The following BNC2 variants were observed in gnomAD, a reference collection of about 807,000 sequenced individuals.
The protein encoded by BNC2 is zinc finger protein basonuclin-2.
Under a neutral mutation model 76.3 loss-of-function variants are expected in BNC2, and 20 were observed. That is an observed-to-expected ratio of 0.26 (90% CI 0.18 to 0.38). The LOEUF (loss-of-function observed/expected upper bound fraction) is 0.38. BNC2 is among the 10% of genes least tolerant of loss of function. The probability of loss-of-function intolerance (pLI) is 1.00; values close to 1 mark genes in which losing one functional copy is unlikely to be tolerated. For synonymous variants in BNC2, 582 were observed against 514.8 expected, an observed-to-expected ratio of 1.13 and a Z score of -1.77; for missense variants, 1,382 against 1,399.8, an observed-to-expected ratio of 0.99 and a Z score of 0.20.
intron 3 of BNC2, among the ~76,000 whole-genome samples, chr9:16,650,353 T>C (rs1162360124): frequency 6.6e-6 from 1 of 152,166 alleles, no homozygotes; most frequent in Non-Finnish European, 1.5e-5. Flanking sequence ...TGAGCTCAAC[T>C]GGTTAGGGCA....
rs566484356 is a variant in BNC2 at position 16,781,561 on chromosome 9, G to A, written c.4-43076C>T. ...TTTCGTTGTGTTGCCCATGCTGGTC[G>A]CGAACTCCTAAGCTCAGGCAATCTG... On this transcript the variant is annotated intron_variant, in intron 1 of 6. Coordinates refer to ENST00000380672, the MANE Select transcript of BNC2 (RefSeq NM_017637.6). 9.5e-4 allele frequency among the ~76,000 whole-genome samples: 145 copies of A among 152,216 alleles called. 1 individual carries two copies. Among genetic ancestry groups the A allele is most frequent in the African/African-American group, 3.3e-3 (138 of 41,546 alleles).
intron 3 of BNC2, among the ~76,000 whole-genome samples, chr9:16,635,438 A>C (rs1273028681): frequency 1.3e-5 from 2 of 152,152 alleles, no homozygotes; most frequent in African/African-American, 4.8e-5. Flanking sequence ...CTCTAACTTT[A>C]TTTAATATTT....
intron 5 of BNC2, among the ~76,000 whole-genome samples, chr9:16,472,752 G>A (rs543834313): frequency 6.6e-6 from 1 of 152,340 alleles, no homozygotes; most frequent in Admixed American, 6.5e-5. Flanking sequence ...TCAATGAATA[G>A]TAAATGAAAG....
At chr9:16,621,935 G>C (rs1352541063) in intron 3 of BNC2, among the ~76,000 whole-genome samples, 1 of 152,080 alleles carries the variant, frequency 6.6e-6, no homozygotes, top group Admixed American at 6.6e-5. Flanking sequence ...AATTTCACCT[G>C]TTTCTTTTTA....
At chr9:16,867,723 T>G (rs1819577089) in intron 1 of BNC2, 1 of 114,974 alleles carries the variant, frequency 8.7e-6, no homozygotes, top group African/African-American at 3.4e-5. Context: ...TTTGAGCCAG[T>G]GTCCAATTTC....
intron 4 of BNC2, among the ~76,000 whole-genome samples, chr9:16,557,552 G>A (rs1818874022): frequency 6.6e-6 from 1 of 151,868 alleles, no homozygotes; most frequent in South Asian, 2.1e-4. Flanking sequence ...ACCAGAAGTT[G>A]CATATACAAA....
chr9:16,713,189 C>T (rs1274291508), intron 3 of BNC2, among the ~76,000 whole-genome samples: 1 of 152,006 alleles, frequency 6.6e-6, no homozygotes, highest in East Asian at 1.9e-4. Context: ...CAATGGAAAC[C>T]CAAATGGAAA....
At chr9:16,709,084 G>A (rs1450846876) in intron 3 of BNC2, among the ~76,000 whole-genome samples, 1 of 152,158 alleles carries the variant, frequency 6.6e-6, no homozygotes, top group Non-Finnish European at 1.5e-5. Context: ...TGGAGGTTTA[G>A]GGAAAGCCTG....
rs908975607 is a variant in BNC2 at position 16,837,241 on chromosome 9, C to T, written c.3+33405G>A. ...ATAATTCTGGCCAGGCTTGGTGGCT[C>T]ATGCCTGTAATCCCAGCACTTTGGG... On this transcript the variant is annotated intron_variant, in intron 1 of 6. Transcript: ENST00000380672. 2.0e-5 allele frequency among the ~76,000 whole-genome samples: 3 copies of T among 152,236 alleles called. No individual in the cohort carries two copies. In the South Asian group the frequency reaches 6.2e-4, roughly 32 times the overall value.
At chr9:16,520,468 A>C (rs1817582971) in intron 5 of BNC2, among the ~76,000 whole-genome samples, 1 of 152,226 alleles carries the variant, frequency 6.6e-6, no homozygotes, top group South Asian at 2.1e-4. Context: ...TGAGATTCCT[A>C]TTCCTCTGCA....
chr9:16,564,588 T>A (rs185804916), intron 4 of BNC2, among the ~76,000 whole-genome samples: 67 of 152,276 alleles, frequency 4.4e-4, no homozygotes, highest in African/African-American at 1.2e-3. Flanking sequence ...ACCTTTAAAT[T>A]TCGCTCTGCC....
At chr9:16,567,294 T>C (rs578186488) in intron 4 of BNC2, among the ~76,000 whole-genome samples, 16 of 152,210 alleles carry the variant, frequency 1.1e-4, no homozygotes, top group Non-Finnish European at 1.3e-4. Context: ...GCATAAAACA[T>C]AATGCAAAAT....
At chr9:16,498,397 A>C (rs891487576) in intron 5 of BNC2, among the ~76,000 whole-genome samples, 8 of 151,158 alleles carry the variant, frequency 5.3e-5, no homozygotes, top group African/African-American at 1.9e-4. Flanking sequence ...ACTACTATCC[A>C]AAGTGAAGTA....
chr9:16,809,322 G>A (rs745948718), intron 1 of BNC2, among the ~76,000 whole-genome samples: 10 of 152,028 alleles, frequency 6.6e-5, no homozygotes, highest in Non-Finnish European at 1.3e-4. Context: ...ATTAGGGCTA[G>A]GAGAGATTTG....
At chr9:16,648,442 C>G (rs923739483) in intron 3 of BNC2, among the ~76,000 whole-genome samples, 2 of 152,166 alleles carry the variant, frequency 1.3e-5, no homozygotes, top group African/African-American at 4.8e-5. Context: ...TTAGCCAAGT[C>G]AAGAGAGATG....
intron 3 of BNC2, among the ~76,000 whole-genome samples, chr9:16,612,356 T>C (rs1820572508): frequency 6.6e-6 from 1 of 152,138 alleles, no homozygotes; most frequent in African/African-American, 2.4e-5. Flanking sequence ...CATGAAACAG[T>C]CTCACACACC....
chr9:16,618,334 T>G (rs1459124312), intron 3 of BNC2, among the ~76,000 whole-genome samples: 1 of 152,200 alleles, frequency 6.6e-6, no homozygotes, highest in Admixed American at 6.5e-5. Flanking sequence ...TTCAGTTCAT[T>G]CTATAACAGC....
chr9:16,596,202 A>G (rs1254325492), intron 3 of BNC2, among the ~76,000 whole-genome samples: 1 of 152,172 alleles, frequency 6.6e-6, no homozygotes, highest in Non-Finnish European at 1.5e-5. Flanking sequence ...TTCATGTTTT[A>G]AAGAACAGTG....
At chr9:16,782,939 T>C (rs547555910) in intron 1 of BNC2, among the ~76,000 whole-genome samples, 1 of 152,332 alleles carries the variant, frequency 6.6e-6, no homozygotes, top group East Asian at 1.9e-4. Flanking sequence ...CTTAGAAGCA[T>C]TTACTCTGAA....
Sources: gnomAD v4.1 joint callset for allele counts (sites outside exome capture counted in the v4.1 genomes callset) on GRCh38, gnomAD v4.1.1 for gene constraint, MANE v1.5 for transcripts, NCBI Gene and HGNC (gene_info 2026-07-23, HGNC 2026-07-21) for gene names.